CARM1: variants seen among roughly 807,000 people sequenced by gnomAD.
The protein encoded by CARM1 is coactivator associated arginine methyltransferase 1, also known as histone-arginine methyltransferase CARM1.
Under a neutral mutation model 72.7 loss-of-function variants are expected in CARM1, and 14 were observed. That is an observed-to-expected ratio of 0.19 (90% CI 0.13 to 0.30). The LOEUF is 0.30. CARM1 is among the 10% of genes least tolerant of loss of function. CARM1 has a pLI of 1.00. For missense variants in CARM1, 432 were observed against 833.7 expected (o/e 0.52, Z 5.93); for synonymous variants, 333 against 345.5 (o/e 0.96, Z 0.40).
At chr19:10,881,416 T>C (rs187046375) in intron 1 of CARM1, among the ~76,000 whole-genome samples, 68 of 152,262 alleles carry the variant, frequency 4.5e-4, no homozygotes, top group Middle Eastern at 6.8e-3. Flanking sequence ...GAGTCTGCCC[T>C]GGCTGGTAAG....
Position 10,871,574 on chromosome 19 carries a change from G to C in CARM1, c.-129G>C, listed in dbSNP as rs1345828106. The C allele has an allele frequency of 6.8e-6, 1 of 146,162 alleles. No individual in the cohort carries two copies. The highest frequency in any genetic ancestry group is 1.5e-5 in the Non-Finnish European group (1 of 67,456). 9.1% of individuals were successfully genotyped at this position (146,162 alleles called of 1,614,324 possible). A position where few individuals can be genotyped will look rare whatever the true frequency, so the allele number is the denominator to read the frequency against. ...CGGCCTCGGCCTGCACGGCGGCTGC[G>C]GCGGCGGTAGCGGCAGCGGCGGCGG... On this transcript the variant is annotated 5_prime_UTR_variant, in exon 1 of 16. Coordinates refer to ENST00000327064, the MANE Select transcript of CARM1 (RefSeq NM_199141.2). This position sits in a 1 kb window ranked among gnomAD's most constrained non-coding sequence, Gnocchi z 5.6.
At chr19:10,918,156 C>T (rs1400012503) in intron 8 of CARM1, among the ~76,000 whole-genome samples, 1 of 152,170 alleles carries the variant, frequency 6.6e-6, no homozygotes, top group Admixed American at 6.5e-5. Context: ...ATGGTACAGC[C>T]TTTGGTAATG....
intron 2 of CARM1, 138 bp downstream of exon 2, chr19:10,905,214 C>A: frequency 9.6e-7 from 1 of 1,044,172 alleles, no homozygotes; most frequent in Non-Finnish European, 1.4e-6. Flanking sequence ...CACATTCCCA[C>A]ATGCAGGTAT....
chr19:10,909,028 A>G, intron 3 of CARM1, 75 bp from the exon 4 acceptor site: 2 of 1,153,534 alleles, frequency 1.7e-6, no homozygotes, highest in Non-Finnish European at 2.6e-6. Flanking sequence ...CCCTTGCTCT[A>G]TCACAGGGCT....
chr19:10,873,935 G>A (rs1271264607), intron 1 of CARM1, among the ~76,000 whole-genome samples: 3 of 151,914 alleles, frequency 2.0e-5, no homozygotes, highest in South Asian at 2.1e-4. Context: ...CACCCCGCCC[G>A]GCCAGAACAA....
rs918838670 is a variant in CARM1 at position 10,915,881 on chromosome 19, G to A, written c.848-526G>A. Among the ~76,000 whole-genome samples, 8 of 152,184 alleles carry A rather than the reference G, an allele frequency of 5.3e-5. No individual in the cohort carries two copies. Among genetic ancestry groups the A allele is most frequent in the Non-Finnish European group, 1.0e-4 (7 of 68,026 alleles). ...GGCAGGCCAAGTGGCCCATCCTGCC[G>A]GCTGGGTGCCTGTGCCAGAACCTAG... On this transcript the variant is annotated intron_variant, in intron 6 of 15. Coordinates refer to ENST00000327064, the MANE Select transcript of CARM1 (RefSeq NM_199141.2). The surrounding 1 kb of genome is among the most constrained non-coding windows in gnomAD (Gnocchi z 4.6).
chr19:10,890,830 G>A (rs1440782307), intron 1 of CARM1, among the ~76,000 whole-genome samples: 87 of 91,404 alleles, frequency 9.5e-4, no homozygotes, highest in African/African-American at 4.1e-3. Flanking sequence ...TCTTGGTATA[G>A]CTCTATCCTT....
At chr19:10,919,833 C>T (rs749831821) in intron 9 of CARM1, 44 bp from the exon 10 acceptor site, 15 of 1,542,116 alleles carry the variant, frequency 9.7e-6, no homozygotes, top group Admixed American at 8.4e-5. Flanking sequence ...CTCTCGGCAG[C>T]GCCTGTCTGG....
At chr19:10,905,165 G>A in intron 2 of CARM1, 89 bp downstream of exon 2, 1 of 1,500,346 alleles carries the variant, frequency 6.7e-7, no homozygotes. Context: ...CTGAGGGGTG[G>A]CCCGTGCATC....
chr19:10,914,975 C>T (rs2074183722), intron 6 of CARM1, among the ~76,000 whole-genome samples: 1 of 152,210 alleles, frequency 6.6e-6, no homozygotes, highest in South Asian at 2.1e-4. Context: ...TCTGTACAGG[C>T]AAGCAGCTGT....
intron 2 of CARM1, among the ~76,000 whole-genome samples, chr19:10,905,333 C>T (rs890783236): frequency 7.2e-5 from 11 of 152,260 alleles, no homozygotes. Context: ...CCAAGAGGCC[C>T]ATCCTGACCA....
chr19:10,912,770 A>G lies in CARM1; in HGVS notation c.669+476A>G, dbSNP rs1010957580. Among the ~76,000 whole-genome samples, 2 of 151,682 alleles carry G rather than the reference A, an allele frequency of 1.3e-5. No homozygotes were observed. The highest frequency in any genetic ancestry group is 4.8e-5 in the African/African-American group (2 of 41,244). ...GGGTCGCCGGGGTCGTGGAGGGGCC[A>G]TCTTTGTTCTGTCTTGCCGCCGCAG... On this transcript the variant is annotated intron_variant, in intron 5 of 15. Coordinates refer to ENST00000327064, the MANE Select transcript of CARM1 (RefSeq NM_199141.2). The surrounding 1 kb of genome is among the most constrained non-coding windows in gnomAD (Gnocchi z 4.5).
chr19:10,897,802 A>G (rs2074034795), intron 1 of CARM1, among the ~76,000 whole-genome samples: 1 of 152,166 alleles, frequency 6.6e-6, no homozygotes, highest in South Asian at 2.1e-4. Context: ...AGCCTGGTCA[A>G]CGAGGTGAAA....
intron 1 of CARM1, among the ~76,000 whole-genome samples, chr19:10,872,775 C>T (rs2073829864): frequency 6.6e-6 from 1 of 151,962 alleles, no homozygotes; most frequent in South Asian, 2.1e-4. Context: ...GTTACTCCTT[C>T]TTATCTCTTC....
At chr19:10,914,127 G>A (rs2074176290) in intron 6 of CARM1, 73 bp downstream of exon 6, 2 of 1,417,956 alleles carry the variant, frequency 1.4e-6, no homozygotes, top group Non-Finnish European at 1.9e-6. Flanking sequence ...GGCCATCAGT[G>A]CTTCAGCTCC....
In CARM1 at chr19:10,916,707, C is replaced by A; in HGVS notation, c.950C>A (p.Ser317Tyr). 6.4e-7 allele frequency: 1 copy of A among 1,567,112 alleles called. No homozygotes were observed. Among genetic ancestry groups the A allele is most frequent in the Non-Finnish European group, 8.7e-7 (1 of 1,155,702 alleles). ...FTKANFWYQP[S>Y]FHGVDLSALR... ...GGGCCTGTCCACAGGTACCAGCCAT[C>A]TTTCCATGGAGTGGACCTGTCGGCC... The change falls in exon 8 of 16, where the codon TCT (serine) becomes TAT (tyrosine). Residue 317 changes from serine to tyrosine, a missense_variant. Physicochemically the swap from Ser to Tyr is moderately radical, Grantham distance 144. This residue lies in a region of CARM1 where 152 missense variants were observed against 452.8 expected (regional missense o/e 0.34). Transcript: ENST00000327064. The surrounding 1 kb of genome is among the most constrained non-coding windows in gnomAD (Gnocchi z 4.4).
At chr19:10,876,782 T>C (rs531002650) in intron 1 of CARM1, among the ~76,000 whole-genome samples, 17 of 152,348 alleles carry the variant, frequency 1.1e-4, no homozygotes, top group African/African-American at 4.1e-4. Flanking sequence ...CTGCCCTCCC[T>C]TGGAAAGGAG....
intron 1 of CARM1, among the ~76,000 whole-genome samples, chr19:10,890,730 C>G (rs2073978879): frequency 7.1e-6 from 1 of 140,666 alleles, no homozygotes; most frequent in East Asian, 2.0e-4. Flanking sequence ...AATATATAGA[C>G]ACATATATAC....
At chr19:10,901,901 A>G (rs933312715) in intron 1 of CARM1, among the ~76,000 whole-genome samples, 1 of 152,104 alleles carries the variant, frequency 6.6e-6, no homozygotes, top group South Asian at 2.1e-4. Flanking sequence ...GTGAGCCAAG[A>G]TAGTGCTGCT....
Sources: allele counts gnomAD v4.1 joint callset (sites outside exome capture counted in the v4.1 genomes callset), GRCh38; gene constraint gnomAD v4.1.1; regional missense constraint gnomAD v4.1.1; non-coding constraint Gnocchi (gnomAD v3.1); transcripts MANE v1.5; gene names NCBI Gene and HGNC (gene_info 2026-07-23, HGNC 2026-07-21).